The following GPHN variants were observed in gnomAD, a reference collection of about 807,000 sequenced individuals.
The protein encoded by GPHN is gephyrin.
Under a neutral mutation model 95.5 loss-of-function variants are expected in GPHN, and 17 were observed. That is an observed-to-expected ratio of 0.18 (90% CI 0.12 to 0.27). GPHN has a LOEUF of 0.27. Ranked by LOEUF, GPHN falls within the 10% of genes least tolerant of loss-of-function variation. The probability of loss-of-function intolerance (pLI) is 1.00; values close to 1 mark genes in which losing one functional copy is unlikely to be tolerated. For synonymous variants in GPHN, 320 were observed against 322.5 expected (o/e 0.99, Z 0.08); for missense variants, 660 against 978.1 (o/e 0.67, Z 4.34).
chr14:66,828,227 ATAAT>A (rs905885290), intron 4 of GPHN, among the ~76,000 whole-genome samples: 2 of 151,966 alleles, frequency 1.3e-5, no homozygotes, highest in African/African-American at 2.4e-5. Context: ...AATAAAATAA[ATAAT>A]AAATAAGCAA....
At chr14:66,876,535 T>C (rs1280421668) in intron 4 of GPHN, among the ~76,000 whole-genome samples, 4 of 152,086 alleles carry the variant, frequency 2.6e-5, no homozygotes, top group Non-Finnish European at 5.9e-5. Context: ...AAGAATTAAA[T>C]AGATACAATA....
intron 9 of GPHN, among the ~76,000 whole-genome samples, chr14:67,012,625 C>T (rs1218132102): frequency 6.6e-6 from 1 of 152,146 alleles, no homozygotes; most frequent in African/African-American, 2.4e-5. Context: ...TTGTCACTTT[C>T]ATCATTACCA....
chr14:66,815,840 C>G (rs1240892320), intron 3 of GPHN, among the ~76,000 whole-genome samples: 5 of 151,896 alleles, frequency 3.3e-5, no homozygotes, highest in Non-Finnish European at 2.9e-5. Flanking sequence ...GGCTAAATGC[C>G]CCAATTAAAA....
At chr14:67,684,926 G>T in the GPHN span, 2 of 1,025,944 alleles carry the variant, frequency 1.9e-6, no homozygotes, top group Non-Finnish European at 2.8e-6. Flanking sequence ...ATGAGACAAT[G>T]TACTTTTAAA....
chr14:66,525,639 G>C (rs560136349), intron 1 of GPHN, among the ~76,000 whole-genome samples: 3 of 152,302 alleles, frequency 2.0e-5, no homozygotes, highest in African/African-American at 7.2e-5. Context: ...TTACATTTAA[G>C]TATTTAATCT....
intron 2 of GPHN, among the ~76,000 whole-genome samples, chr14:66,702,542 A>G (rs911552241): frequency 1.3e-5 from 2 of 152,206 alleles, no homozygotes; most frequent in African/African-American, 4.8e-5. Context: ...AGCAAACCAC[A>G]GCAGCCATAT....
rs1253036953 is a variant in GPHN at position 67,058,702 on chromosome 14, T to C, written c.1060T>C (p.Phe354Leu). The C allele has an allele frequency of 1.9e-6, 3 of 1,612,832 alleles. No individual in the cohort carries two copies. The highest frequency in any genetic ancestry group is 2.5e-6 in the Non-Finnish European group (3 of 1,178,904). ...GGCTAGAAGACATCGCATGTCTCCT[T>C]TTCCTCTGACATCTATGGACAAAGC... is the stretch of plus-strand genomic sequence containing the variant. ...KVARRHRMSPFPLTSMDKAFI... is the reference protein window; with the variant it reads ...KVARRHRMSPLPLTSMDKAFI... Residue 354 changes from phenylalanine (F) to leucine (L), a missense_variant, in exon 11 of 23, where the codon TTT becomes CTT. Transcript: ENST00000478722.
At chr14:66,614,137 C>T (rs1405447806) in intron 1 of GPHN, among the ~76,000 whole-genome samples, 1 of 152,100 alleles carries the variant, frequency 6.6e-6, no homozygotes, top group Non-Finnish European at 1.5e-5. Context: ...TCAACTCTCC[C>T]ACTTACAAAT....
chr14:66,878,221 A>C (rs1375644787), intron 4 of GPHN, among the ~76,000 whole-genome samples: 2 of 152,308 alleles, frequency 1.3e-5, no homozygotes, highest in East Asian at 3.9e-4. Context: ...TACAAAAATT[A>C]ACTCAAGATG....
intron 2 of GPHN, among the ~76,000 whole-genome samples, chr14:66,733,085 C>T (rs2071934278): frequency 6.6e-6 from 1 of 152,020 alleles, no homozygotes; most frequent in South Asian, 2.1e-4. Context: ...TCCATGTGTC[C>T]AGGGAAGGAG....
the GPHN span, chr14:67,593,725 T>TA: frequency 6.5e-7 from 1 of 1,531,800 alleles, no homozygotes; most frequent in Non-Finnish European, 9.0e-7. Context: ...CTGTAATACT[T>TA]ACCTTTTAAA....
At chr14:66,634,442 T>C (rs905322313) in intron 1 of GPHN, among the ~76,000 whole-genome samples, 4 of 152,086 alleles carry the variant, frequency 2.6e-5, no homozygotes, top group Non-Finnish European at 5.9e-5. Context: ...GTGGTGAGAC[T>C]TTGGTGGGGA....
chr14:67,493,316 C>G, the GPHN span, among the ~76,000 whole-genome samples: 1 of 152,228 alleles, frequency 6.6e-6, no homozygotes, highest in Non-Finnish European at 1.5e-5. Flanking sequence ...GTGTACTTGT[C>G]TTTCCCGCCA....
the GPHN span, among the ~76,000 whole-genome samples, chr14:67,422,397 G>C: frequency 6.6e-6 from 1 of 152,182 alleles, no homozygotes; most frequent in African/African-American, 2.4e-5. Flanking sequence ...TACACAGCTA[G>C]CATATGGCCG....
At chr14:67,527,547 A>G in the GPHN span, among the ~76,000 whole-genome samples, 1 of 152,214 alleles carries the variant, frequency 6.6e-6, no homozygotes, top group African/African-American at 2.4e-5. Context: ...ATTAGAAAGA[A>G]AGATTTCATT....
chr14:67,279,030 G>C, the GPHN span: 1 of 746,300 alleles, frequency 1.3e-6, no homozygotes, highest in Non-Finnish European at 2.0e-6. Context: ...TTCCTTCATG[G>C]ATACTTTTTC....
intron 13 of GPHN, among the ~76,000 whole-genome samples, 195 bp from the exon 14 acceptor site, chr14:67,109,945 A>G (rs1156512221): frequency 1.3e-5 from 2 of 152,204 alleles, no homozygotes; most frequent in East Asian, 3.8e-4. Context: ...AAATCAGCTT[A>G]AATGAACCTA....
intron 11 of GPHN, among the ~76,000 whole-genome samples, chr14:67,084,807 G>T (rs1165279229): frequency 6.6e-6 from 1 of 152,074 alleles, no homozygotes; most frequent in Non-Finnish European, 1.5e-5. Flanking sequence ...GGAGAAAAAG[G>T]AAAGAAAAAA....
chr14:66,656,499 T>C (rs534847111), intron 1 of GPHN, among the ~76,000 whole-genome samples: 1 of 152,264 alleles, frequency 6.6e-6, no homozygotes, highest in African/African-American at 2.4e-5. Flanking sequence ...GGGCTTTACA[T>C]TTTGACTCTG....
Sources: allele counts gnomAD v4.1 joint callset (sites outside exome capture counted in the v4.1 genomes callset), GRCh38; gene constraint gnomAD v4.1.1; transcripts MANE v1.5; gene names NCBI Gene and HGNC (gene_info 2026-07-23, HGNC 2026-07-21).